The following SPG11 variants were observed in gnomAD, a reference collection of about 807,000 sequenced individuals.
The protein encoded by SPG11 is spatacsin.
In SPG11, 222 loss-of-function variants were observed where a neutral mutation model predicts 274.0. The ratio of observed to expected loss-of-function variants is 0.81; its 90% confidence interval spans 0.73 to 0.91. The LOEUF (loss-of-function observed/expected upper bound fraction) is 0.91, where lower values mean the gene tolerates loss of function less well. SPG11 is among the 40% of genes least tolerant of loss of function. The pLI is 0.00. For missense variants in SPG11, 3,114 were observed against 2,872.7 expected, an observed-to-expected ratio of 1.08 and a Z score of -1.92; for synonymous variants, 1,144 against 1,039.7, an observed-to-expected ratio of 1.10 and a Z score of -1.93.
At chr15:44,662,511 T>C (rs2085141691) in intron 1 of SPG11, among the ~76,000 whole-genome samples, 1 of 151,474 alleles carries the variant, frequency 6.6e-6, no homozygotes, top group Admixed American at 6.6e-5. Flanking sequence ...CTACAAAAAC[T>C]AGAAAAATTA....
chr15:44,585,714 C>G lies in SPG11; in HGVS notation c.5043G>C (p.Gln1681His). ...TGGCCAAAGCGAATTGTCCATCTGT[C>G]TGCAGTCTTTCCAAAATAGATCTAC... ...HECRSILERL[Q>H]TDGQFALARR... Residue 1681 changes from glutamine to histidine, a missense_variant, in exon 29 of 40, where the codon CAG becomes CAC. Coordinates refer to ENST00000261866, the MANE Select transcript of SPG11 (RefSeq NM_025137.4). 6.2e-7 allele frequency: 1 copy of G among 1,613,388 alleles called. No homozygotes were observed. Among genetic ancestry groups the G allele is most frequent in the Non-Finnish European group, 8.5e-7 (1 of 1,179,786 alleles).
chr15:44,652,390 A>C (rs1270645792), intron 4 of SPG11, 124 bp from the exon 5 acceptor site: 1 of 1,010,656 alleles, frequency 9.9e-7, no homozygotes, highest in Non-Finnish European at 1.5e-6. Flanking sequence ...TTCCGCAGAA[A>C]GGAACTCCTT....
At chr15:44,596,437 C>A in intron 24 of SPG11, 82 bp from the exon 25 acceptor site, 1 of 1,479,340 alleles carries the variant, frequency 6.8e-7, no homozygotes. Flanking sequence ...AAAGCATAGA[C>A]AAAATTATGC....
rs1287195377 is a variant in SPG11, at chr15:44,584,456, A to T, written c.5224T>A (p.Ser1742Thr). 1 of 1,614,162 alleles carries T rather than the reference A, an allele frequency of 6.2e-7. No individual in the cohort carries two copies. Among genetic ancestry groups the T allele is most frequent in the Non-Finnish European group, 8.5e-7 (1 of 1,180,044 alleles). Residue 1742 changes from serine (S) to threonine (T), a missense_variant, in exon 30 of 40, where the codon TCA (serine) becomes ACA (threonine). Transcript: ENST00000261866. ...KKCHENFKKN[S>T]ISSKAASSFF... Reference sequence around the variant, plus strand: ...GAAGAAGCTGCTTTGCTTGAAATTGAATTTTTCTTAAAATTCTCATGGCAT... The same window carrying T: ...GAAGAAGCTGCTTTGCTTGAAATTGTATTTTTCTTAAAATTCTCATGGCAT...
chr15:44,641,922 G>GAAAAAAAAAAA (rs71111874), intron 7 of SPG11, among the ~76,000 whole-genome samples: 1 of 55,918 alleles, frequency 1.8e-5, no homozygotes, highest in African/African-American at 6.0e-5. Flanking sequence ...CTGCTTAACA[G>GAAAAAAAAAAA]AAAAAAAAAA....
At chr15:44,569,626 C>T in intron 34 of SPG11, 121 bp from the exon 35 acceptor site, 2 of 762,846 alleles carry the variant, frequency 2.6e-6, no homozygotes, top group Non-Finnish European at 4.6e-6. Flanking sequence ...GGGCTAATTT[C>T]CAGGCTACCA....
At chr15:44,573,938 G>C (rs1007631381) in intron 31 of SPG11, 193 bp from the exon 32 acceptor site, 26 of 615,844 alleles carry the variant, frequency 4.2e-5, no homozygotes, top group Middle Eastern at 4.2e-4. Flanking sequence ...GCCAAATCCA[G>C]GTAAAAGAAA....
chr15:44,635,033 C>T (rs959221822), intron 7 of SPG11, among the ~76,000 whole-genome samples: 9 of 150,446 alleles, frequency 6.0e-5, no homozygotes, highest in African/African-American at 9.8e-5. Flanking sequence ...CTGGCTAACA[C>T]GGTGAAACCC....
At position 44,584,115 on chromosome 15, in the gene SPG11, T is replaced by C. The variant is rs2082709228; in HGVS notation, c.5565A>G (p.Leu1855=). The C allele has an allele frequency of 4.3e-6, 7 of 1,614,246 alleles. No individual in the cohort carries two copies. Among genetic ancestry groups the C allele is most frequent in the Non-Finnish European group, 5.9e-6 (7 of 1,180,034 alleles). ...KLAALNTSKY[L]ELNSLPSKET... is the part of the protein sequence containing the mutation. ...CTTTGGATGGAAGGCTGTTAAGTTCTAAGTATTTTGATGTGTTCAGAGCAG... is the reference window on the plus strand; with the variant it reads ...CTTTGGATGGAAGGCTGTTAAGTTCCAAGTATTTTGATGTGTTCAGAGCAG... The change falls in exon 30 of 40, where the codon TTA becomes TTG. Residue 1855 remains leucine (L), a synonymous_variant. Transcript: ENST00000261866.
chr15:44,598,405 AAG>A, intron 22 of SPG11, 32 bp from the exon 23 acceptor site: 1 of 1,587,332 alleles, frequency 6.3e-7, no homozygotes, highest in African/African-American at 1.3e-5. Flanking sequence ...AAATATGGTG[AAG>A]AGAAAAAGTC....
At chr15:44,578,513 CAG>C (rs1450832389) in intron 30 of SPG11, among the ~76,000 whole-genome samples, 5 of 148,548 alleles carry the variant, frequency 3.4e-5, no homozygotes, top group South Asian at 2.1e-4. Context: ...AGAGAAGCCT[CAG>C]GGGGAAAAAC....
At chr15:44,629,469 C>T in intron 8 of SPG11, 81 bp from the exon 9 acceptor site, 1 of 1,430,946 alleles carries the variant, frequency 7.0e-7, no homozygotes, top group Non-Finnish European at 9.6e-7. Context: ...TATCATGTTA[C>T]AATATTTTTA....
rs1221034075 is a variant in SPG11 at position 44,629,510 on chromosome 15, CA to C, written c.1736-123del. On this transcript the variant is annotated intron_variant, in intron 8 of 39. Coordinates refer to ENST00000261866, the MANE Select transcript of SPG11 (RefSeq NM_025137.4). ...AAAACAAGGACCAATGTCTTATTTT[CA>C]AAAAGCTCACAAAACTTTTCTGCAG... 3 of 1,129,226 alleles carry C rather than the reference CA, an allele frequency of 2.7e-6. No homozygotes were observed. The African/African-American group carries it at 4.7e-5, about 18-fold the overall frequency. 70.0% of individuals were successfully genotyped at this position (1,129,226 alleles called of 1,614,324 possible). A position where few individuals can be genotyped will look rare whatever the true frequency, so the allele number is the denominator to read the frequency against.
In SPG11 at chr15:44,657,281, A is replaced by G; in HGVS notation, c.683T>C (p.Val228Ala). 6.2e-7 allele frequency: 1 copy of G among 1,614,208 alleles called. No homozygotes were observed. The highest frequency in any genetic ancestry group is 8.5e-7 in the Non-Finnish European group (1 of 1,180,026). The change falls in exon 4 of 40, where the codon GTG becomes GCG. Residue 228 changes from valine (V) to alanine (A), a missense_variant. By Grantham distance (64) the Val-to-Ala change is moderately conservative (BLOSUM62 0). Coordinates refer to ENST00000261866, the MANE Select transcript of SPG11 (RefSeq NM_025137.4). Reference sequence around the variant, plus strand: ...CACATGAGCTACATATGTACCATCCACAACATCAAAAATGTCTTTTAGTTA... The same window carrying G: ...CACATGAGCTACATATGTACCATCCGCAACATCAAAAATGTCTTTTAGTTA... Reference protein sequence around the residue: ...SLGWIYIFDVVDGTYVAHVDL... With the variant: ...SLGWIYIFDVADGTYVAHVDL...
At chr15:44,575,600 T>G (rs1371560048) in intron 30 of SPG11, among the ~76,000 whole-genome samples, 3 of 151,480 alleles carry the variant, frequency 2.0e-5, no homozygotes, top group African/African-American at 7.3e-5. Flanking sequence ...GCTCAATAGA[T>G]TCTCGTGCCT....
chr15:44,659,245 G>A lies in SPG11; in HGVS notation c.501C>T (p.Phe167=), dbSNP rs771462279. 1.1e-5 allele frequency: 18 copies of A among 1,614,102 alleles called. No individual in the cohort carries two copies. The highest frequency in any genetic ancestry group is 1.5e-5 in the Non-Finnish European group (18 of 1,179,960). ...TATGTAGGATGACACATTTGTTGAT[G>A]AACAGTAATGATGTGTTATTGTGAA... The part of the protein sequence containing the change: ...LSFHNNTSLL[F]INKCVILHII... The change falls in exon 3 of 40, where the codon TTC becomes TTT. Residue 167 remains phenylalanine, a synonymous_variant. Coordinates refer to ENST00000261866, the MANE Select transcript of SPG11 (RefSeq NM_025137.4).
At position 44,628,857 on chromosome 15, in the gene SPG11, C is replaced by G. The variant is rs377349290; in HGVS notation, c.1892-13G>C. ...TGTTCATCTAGTTCTATGGAAAATA[C>G]CAATGTGCCAATTTGTGTGTGTGTG... On this transcript the variant is annotated splice_polypyrimidine_tract_variant and intron_variant, in intron 9 of 39. Transcript: ENST00000261866. The G allele has an allele frequency of 1.2e-6, 2 of 1,609,984 alleles. No homozygotes were observed. The highest frequency in any genetic ancestry group is 8.5e-7 in the Non-Finnish European group (1 of 1,178,074).
chr15:44,589,172 C>T, intron 28 of SPG11, 80 bp downstream of exon 28: 1 of 1,465,194 alleles, frequency 6.8e-7, no homozygotes, highest in Admixed American at 1.7e-5. Context: ...ATTTTAATTT[C>T]CTAACTACCC....
rs139526099 is a variant in SPG11 at position 44,631,289 on chromosome 15, T to G, written c.1736-1901A>C. The stretch of plus-strand genomic sequence containing the variant: ...TGGTACAGCCCATACAATGAAATTC[T>G]ATGTCATCATATTTAGTAAGTATAT... On this transcript the variant is annotated intron_variant, in intron 8 of 39. Transcript: ENST00000261866. Among the ~76,000 whole-genome samples the G allele has an allele frequency of 8.9e-3, 1,356 of 152,324 alleles. 16 individuals carry two copies. The highest frequency in any genetic ancestry group is 0.031 in the African/African-American group (1,301 of 41,566).
Sources: allele counts gnomAD v4.1 joint callset (sites outside exome capture counted in the v4.1 genomes callset), GRCh38; gene constraint gnomAD v4.1.1; transcripts MANE v1.5; gene names NCBI Gene and HGNC (gene_info 2026-07-23, HGNC 2026-07-21).